UQCRC2: variants seen among roughly 807,000 people sequenced by gnomAD.
The protein encoded by UQCRC2 is ubiquinol-cytochrome c reductase core protein 2, also known as cytochrome b-c1 complex subunit 2, mitochondrial.
UQCRC2 carries 49 observed loss-of-function variants against 55.6 expected under a neutral mutation model. That is an observed-to-expected ratio of 0.88 (90% CI 0.70 to 1.12). UQCRC2 has a LOEUF of 1.12. Ranked by LOEUF, UQCRC2 falls within the 50% of genes most tolerant of loss-of-function variation. The pLI is 0.00. For synonymous variants in UQCRC2, 193 were observed against 192.0 expected (o/e 1.01, Z -0.04); for missense variants, 506 against 547.8 (o/e 0.92, Z 0.76).
At chr16:21,964,602 G>T (rs1305463190) in intron 6 of UQCRC2, among the ~76,000 whole-genome samples, 4 of 152,062 alleles carry the variant, frequency 2.6e-5, no homozygotes, top group Non-Finnish European at 5.9e-5. Flanking sequence ...TGCCTAAAAT[G>T]CTGTTCCCAA....
intron 13 of UQCRC2, 37 bp from the exon 14 acceptor site, chr16:21,983,051 T>A (rs576965308): frequency 1.5e-5 from 24 of 1,593,400 alleles, no homozygotes; most frequent in Non-Finnish European, 2.0e-5. Context: ...TATATTTTTA[T>A]TTTTGTTAAT....
intron 7 of UQCRC2, chr16:21,968,338 G>C (rs1307514371): frequency 4.7e-6 from 1 of 213,848 alleles, no homozygotes; most frequent in Admixed American, 5.8e-5. Flanking sequence ...GCTTTGTTGA[G>C]ATGTAATTCA....
intron 10 of UQCRC2, 144 bp from the exon 11 acceptor site, chr16:21,973,752 G>C: frequency 1.4e-6 from 1 of 690,258 alleles, no homozygotes; most frequent in Non-Finnish European, 2.5e-6. Context: ...GAATACTTCA[G>C]TTCGTGACAG....
intron 4 of UQCRC2, among the ~76,000 whole-genome samples, chr16:21,961,980 G>T (rs1051019214): frequency 6.6e-6 from 1 of 151,986 alleles, no homozygotes; most frequent in African/African-American, 2.4e-5. Context: ...TAAGTGTGCA[G>T]TTAAGTGGCA....
chr16:21,962,466 C>G lies in UQCRC2; in HGVS notation c.339C>G (p.Thr113=), dbSNP rs369630012. 3.1e-6 allele frequency: 5 copies of G among 1,613,894 alleles called. No homozygotes were observed. Among genetic ancestry groups the G allele is most frequent in the Middle Eastern group, 3.3e-4 (2 of 6,084 alleles). ...IEAVGGKLSV[T]ATRENMAYTV... The stretch of plus-strand genomic sequence containing the variant: ...AGTTTATTTTCCGATTCAGTGTGAC[C>G]GCAACAAGGGAAAACATGGCTTATA... Residue 113 remains threonine (T), a synonymous_variant, in exon 5 of 14, where the codon ACC becomes ACG. Coordinates refer to ENST00000268379, the MANE Select transcript of UQCRC2 (RefSeq NM_003366.4).
At chr16:21,964,458 G>A (rs911348079) in intron 6 of UQCRC2, among the ~76,000 whole-genome samples, 3 of 152,112 alleles carry the variant, frequency 2.0e-5, no homozygotes, top group South Asian at 2.1e-4. Flanking sequence ...CAGCATATAC[G>A]TATATGGCCT....
intron 6 of UQCRC2, among the ~76,000 whole-genome samples, chr16:21,964,934 C>T (rs769076269): frequency 1.3e-5 from 2 of 152,210 alleles, no homozygotes; most frequent in Non-Finnish European, 1.5e-5. Context: ...GCACCAAGCA[C>T]CACAGAGGAG....
chr16:21,977,195 A>G (rs1898606560), intron 12 of UQCRC2, among the ~76,000 whole-genome samples: 1 of 152,086 alleles, frequency 6.6e-6, no homozygotes, highest in Non-Finnish European at 1.5e-5. Flanking sequence ...TTACAAAAAG[A>G]TATTTAAAAC....
chr16:21,964,496 C>G (rs146585254), intron 6 of UQCRC2, among the ~76,000 whole-genome samples: 3 of 152,282 alleles, frequency 2.0e-5, no homozygotes, highest in African/African-American at 7.2e-5. Context: ...GCCCACTTCT[C>G]TTACTTTATG....
intron 5 of UQCRC2, 73 bp from the exon 6 acceptor site, chr16:21,962,688 T>TA: frequency 6.2e-7 from 1 of 1,606,986 alleles, no homozygotes; most frequent in Non-Finnish European, 8.5e-7. Flanking sequence ...TTGAGAGCAT[T>TA]ACAGCTATGT....
chr16:21,962,603 C>A, intron 5 of UQCRC2, 87 bp downstream of exon 5: 1 of 1,595,666 alleles, frequency 6.3e-7, no homozygotes, highest in Non-Finnish European at 8.6e-7. Flanking sequence ...TCATTATGAC[C>A]TCTGACTTCC....
At chr16:21,963,079 C>G in intron 6 of UQCRC2, 194 bp downstream of exon 6, 3 of 539,152 alleles carry the variant, frequency 5.6e-6, no homozygotes, top group Non-Finnish European at 8.7e-6. Context: ...ACCTCCAGCT[C>G]CCGGGTTCAA....
At position 21,976,246 on chromosome 16, in the gene UQCRC2, A is replaced by C; in HGVS notation, c.1124+3A>C. 6.2e-7 allele frequency: 1 copy of C among 1,608,932 alleles called. No individual in the cohort carries two copies. Among genetic ancestry groups the C allele is most frequent in the African/African-American group, 1.3e-5 (1 of 74,918 alleles). On this transcript the variant is annotated splice_donor_region_variant and intron_variant, in intron 12 of 13. Coordinates refer to ENST00000268379, the MANE Select transcript of UQCRC2 (RefSeq NM_003366.4). ...AACACAGATGTCCAAGCTGCCAAGTAAGTCTCAGTATTAACTGTGTTTTAT... is the reference window on the plus strand; with the variant it reads ...AACACAGATGTCCAAGCTGCCAAGTCAGTCTCAGTATTAACTGTGTTTTAT...
chr16:21,983,084 A>G lies in UQCRC2; in HGVS notation c.1279-4A>G, dbSNP rs1265256677. 3 of 1,612,216 alleles carry G rather than the reference A, an allele frequency of 1.9e-6. No homozygotes were observed. In the African/African-American group the frequency reaches 4.0e-5, roughly 22 times the overall value. ...AATTTTGTCTTTTGTTTGTTTCTTT[A>G]AAGGCGGCAAAGAAGTTTGTTTCTG... On this transcript the variant is annotated splice_region_variant and splice_polypyrimidine_tract_variant and intron_variant, in intron 13 of 13. Coordinates refer to ENST00000268379, the MANE Select transcript of UQCRC2 (RefSeq NM_003366.4).
chr16:21,957,601 GCTGTGGTATCTTGGTC>G, intron 3 of UQCRC2, 35 bp downstream of exon 3: 1 of 1,607,552 alleles, frequency 6.2e-7, no homozygotes, highest in South Asian at 1.1e-5. Flanking sequence ...GTTTGGAAAT[GCTGTGGTATCTTGGTC>G]CTGTGAAAAA....
intron 4 of UQCRC2, among the ~76,000 whole-genome samples, chr16:21,960,066 C>T (rs1016015482): frequency 6.6e-6 from 1 of 152,180 alleles, no homozygotes; most frequent in Admixed American, 6.5e-5. Flanking sequence ...TCACCAGCTG[C>T]ATTAGTCCCC....
At position 21,962,763 on chromosome 16, in the gene UQCRC2, A is replaced by C. The variant is rs1474529125; in HGVS notation, c.392A>C (p.Asp131Ala). Residue 131 changes from aspartate (D) to alanine (A), a missense_variant and splice_region_variant, in exon 6 of 14, where the codon GAT becomes GCT. By Grantham distance (126) the Asp-to-Ala change is moderately radical. Transcript: ENST00000268379. The part of the protein sequence containing the change: ...YTVECLRGDV[D>A]ILMEFLLNVT... ...TCTTATCTCGATGTCTTCTGTAGTG[A>C]TATTCTAATGGAGTTCCTGCTCAAT... is the stretch of plus-strand genomic sequence containing the variant. 6.2e-7 allele frequency: 1 copy of C among 1,614,104 alleles called. No individual in the cohort carries two copies. Among genetic ancestry groups the C allele is most frequent in the African/African-American group, 1.3e-5 (1 of 75,034 alleles).
chr16:21,955,568 A>G (rs999268469), intron 1 of UQCRC2, among the ~76,000 whole-genome samples: 2 of 152,256 alleles, frequency 1.3e-5, no homozygotes, highest in African/African-American at 2.4e-5. Flanking sequence ...AACAAACTGA[A>G]TAAAATGAAT....
rs113204411 is a variant in UQCRC2, at chr16:21,983,333, A to G, written c.*162A>G. ...ATTCCCAGCTGACCTAAAGTCAATA[A>G]AACATTCTGTTTAAGTGTTTTTCTT... On this transcript the variant is annotated 3_prime_UTR_variant, in exon 14 of 14. Coordinates refer to ENST00000268379, the MANE Select transcript of UQCRC2 (RefSeq NM_003366.4). The G allele has an allele frequency of 3.4e-6, 2 of 586,618 alleles. No individual in the cohort carries two copies. Among genetic ancestry groups the G allele is most frequent in the Non-Finnish European group, 5.8e-6 (2 of 342,736 alleles). 36.3% of individuals were successfully genotyped at this position (586,618 alleles called of 1,614,324 possible).
Sources: gnomAD v4.1 joint callset for allele counts (sites outside exome capture counted in the v4.1 genomes callset) on GRCh38, gnomAD v4.1.1 for gene constraint, MANE v1.5 for transcripts, NCBI Gene and HGNC (gene_info 2026-07-23, HGNC 2026-07-21) for gene names.